Variants in ZRANB3 observed in about 807,000 individuals in gnomAD.
ZRANB3 encodes the protein DNA annealing helicase and endonuclease ZRANB3.
In ZRANB3, 125 loss-of-function variants were observed where a neutral mutation model predicts 133.8. The observed-to-expected ratio is 0.93, with a 90% CI of 0.81 to 1.08. The LOEUF is 1.08. Among genes scored for constraint, ZRANB3 ranks in the 50% least tolerant of loss-of-function variants. The pLI, the probability that ZRANB3 is intolerant of heterozygous loss-of-function variation, is 0.00. For missense variants in ZRANB3, 1,229 were observed against 1,275.5 expected (o/e 0.96, Z 0.56); for synonymous variants, 387 against 432.7 (o/e 0.89, Z 1.31).
Position 135,273,381 on chromosome 2 carries a change from C to T in ZRANB3, c.1087-1494G>A, listed in dbSNP as rs137979018. On this transcript the variant is annotated intron_variant, in intron 9 of 20. Transcript: ENST00000264159. ...TATTAAAAAGAATGTCCCGTATTAACGTTCTGTCCTCAAAGAGCAAGTATA... is the reference window on the plus strand; with the variant it reads ...TATTAAAAAGAATGTCCCGTATTAATGTTCTGTCCTCAAAGAGCAAGTATA... 3.0e-3 allele frequency among the ~76,000 whole-genome samples: 452 copies of T among 152,160 alleles called. 3 individuals carry two copies. The highest frequency in any genetic ancestry group is 0.01 in the African/African-American group (421 of 41,512).
At chr2:135,428,188 A>G (rs1689173090) in intron 2 of ZRANB3, among the ~76,000 whole-genome samples, 1 of 152,192 alleles carries the variant, frequency 6.6e-6, no homozygotes, top group Non-Finnish European at 1.5e-5. Context: ...CATGCCTGTA[A>G]TCCTAGCACT....
rs1432823979 is a variant in ZRANB3, at chr2:135,301,784, G to A, written c.966+11705C>T. Among the ~76,000 whole-genome samples, 7 of 152,172 alleles carry A rather than the reference G, an allele frequency of 4.6e-5. No homozygotes were observed. In the East Asian group the frequency reaches 1.4e-3, roughly 29 times the overall value. Reference sequence around the variant, plus strand: ...TATCTTCTCTCATGTACTTTCATAAGCATCCTGTTTTTGAAGCACTAAATA... The same window carrying A: ...TATCTTCTCTCATGTACTTTCATAAACATCCTGTTTTTGAAGCACTAAATA... On this transcript the variant is annotated intron_variant, in intron 8 of 20. Coordinates refer to ENST00000264159, the MANE Select transcript of ZRANB3 (RefSeq NM_032143.4).
intron 12 of ZRANB3, among the ~76,000 whole-genome samples, chr2:135,252,110 T>C (rs1032314113): frequency 1.3e-5 from 2 of 152,050 alleles, no homozygotes; most frequent in Admixed American, 1.3e-4. Context: ...ATCAGCAGCA[T>C]AAATGGACTA....
chr2:135,228,682 G>A (rs571626239), intron 13 of ZRANB3, among the ~76,000 whole-genome samples: 46 of 152,138 alleles, frequency 3.0e-4, no homozygotes, highest in Middle Eastern at 3.2e-3. Flanking sequence ...GCGAGAAAGA[G>A]ACCAAAGATA....
chr2:135,425,559 A>G (rs1211595015), intron 2 of ZRANB3, among the ~76,000 whole-genome samples: 1 of 152,186 alleles, frequency 6.6e-6, no homozygotes, highest in Non-Finnish European at 1.5e-5. Flanking sequence ...TGTAAATGAC[A>G]GAAATTAAAC....
At chr2:135,269,609 A>G (rs1273009847) in intron 10 of ZRANB3, among the ~76,000 whole-genome samples, 1 of 152,240 alleles carries the variant, frequency 6.6e-6, no homozygotes, top group East Asian at 1.9e-4. Context: ...GTGATGTTAT[A>G]TTCCGAAGAC....
chr2:135,526,320 C>T (rs533279011), intron 1 of ZRANB3, among the ~76,000 whole-genome samples: 8 of 152,152 alleles, frequency 5.3e-5, no homozygotes, highest in Non-Finnish European at 7.4e-5. Flanking sequence ...CCCGCCACCA[C>T]ACTCAGCTAA....
intron 8 of ZRANB3, among the ~76,000 whole-genome samples, chr2:135,284,459 C>G (rs1330355309): frequency 1.3e-5 from 2 of 152,188 alleles, no homozygotes; most frequent in Non-Finnish European, 2.9e-5. Context: ...TGTTACCTTT[C>G]CTTGTTTGTT....
At chr2:135,373,501 T>C (rs779889239) in intron 3 of ZRANB3, among the ~76,000 whole-genome samples, 1 of 152,004 alleles carries the variant, frequency 6.6e-6, no homozygotes, top group African/African-American at 2.4e-5. Flanking sequence ...TAAAAAGTCA[T>C]GATGGGCTGG....
intron 2 of ZRANB3, among the ~76,000 whole-genome samples, chr2:135,440,581 T>A (rs1267119031): frequency 1.3e-5 from 2 of 152,108 alleles, no homozygotes; most frequent in Non-Finnish European, 2.9e-5. Flanking sequence ...TGAGCCAGGC[T>A]GACAGCAAGC....
intron 2 of ZRANB3, among the ~76,000 whole-genome samples, chr2:135,431,078 C>G (rs1227794104): frequency 6.6e-6 from 1 of 150,818 alleles, no homozygotes; most frequent in Admixed American, 6.6e-5. Flanking sequence ...AGCTTGAGGC[C>G]AGCCTCAGCA....
chr2:135,301,844 T>A (rs1401978903), intron 8 of ZRANB3, among the ~76,000 whole-genome samples: 1 of 152,194 alleles, frequency 6.6e-6, no homozygotes, highest in Non-Finnish European at 1.5e-5. Context: ...TTTCATGGTC[T>A]TCCCCAGTAG....
rs1177438717 is a variant in ZRANB3 at position 135,245,926 on chromosome 2, C to CAAAAAAAAAAAAAAAAAAAAAAAA, written c.1540-15000_1540-14999insTTTTTTTTTTTTTTTTTTTTTTTT. The stretch of plus-strand genomic sequence containing the variant: ...GGGCAACGAGATTGAAACTCCGTCT[C>CAAAAAAAAAAAAAAAAAAAAAAAA]AAAAAAAAAAAAAAAAAAAAAAGAG... On this transcript the variant is annotated intron_variant, in intron 12 of 20. Transcript: ENST00000264159. 1.2e-3 allele frequency among the ~76,000 whole-genome samples: 23 copies of CAAAAAAAAAAAAAAAAAAAAAAAA among 19,552 alleles called. 3 individuals carry two copies. Among genetic ancestry groups the CAAAAAAAAAAAAAAAAAAAAAAAA allele is most frequent in the East Asian group, 0.015 (2 of 132 alleles). 12.8% of individuals were successfully genotyped at this position (19,552 alleles called of 152,430 possible).
At chr2:135,438,573 A>G (rs1411019687) in intron 2 of ZRANB3, among the ~76,000 whole-genome samples, 6 of 152,024 alleles carry the variant, frequency 3.9e-5, no homozygotes, top group African/African-American at 1.2e-4. Flanking sequence ...AAAAAGACAT[A>G]GTACGGAAGA....
chr2:135,527,259 A>C (rs926655369), intron 1 of ZRANB3, among the ~76,000 whole-genome samples: 15 of 152,154 alleles, frequency 9.9e-5, no homozygotes, highest in Non-Finnish European at 1.9e-4. Context: ...CACACTATAC[A>C]TTTAAAAATG....
At chr2:135,481,430 T>C (rs1574173280) in intron 2 of ZRANB3, among the ~76,000 whole-genome samples, 1 of 152,222 alleles carries the variant, frequency 6.6e-6, no homozygotes, top group African/African-American at 2.4e-5. Flanking sequence ...GAAGTGTCTG[T>C]TCATATCCTT....
At chr2:135,368,757 T>C (rs1404047959) in intron 3 of ZRANB3, among the ~76,000 whole-genome samples, 2 of 151,936 alleles carry the variant, frequency 1.3e-5, no homozygotes, top group East Asian at 3.8e-4. Flanking sequence ...CATAAATATA[T>C]ACATCTACTA....
Position 135,315,391 on chromosome 2 carries a change from T to C in ZRANB3, c.817A>G (p.Ile273Val). The part of the protein sequence containing the change: ...TQLPPKVRQR[I>V]PFDLPSAAAK... Reference sequence around the variant, plus strand: ...GCTGCTGATGGAAGATCAAATGGAATACGCTGTCTGACTTTAGGGGGTAGC... The same window carrying C: ...GCTGCTGATGGAAGATCAAATGGAACACGCTGTCTGACTTTAGGGGGTAGC... Residue 273 changes from isoleucine (I) to valine (V), a missense_variant, in exon 7 of 21, where the codon ATT (isoleucine) becomes GTT (valine). By Grantham distance (29) the Ile-to-Val change is conservative (BLOSUM62 3). Transcript: ENST00000264159. 6.3e-7 allele frequency: 1 copy of C among 1,598,628 alleles called. No homozygotes were observed. The highest frequency in any genetic ancestry group is 8.5e-7 in the Non-Finnish European group (1 of 1,174,540).
chr2:135,294,465 G>A (rs935445840), intron 8 of ZRANB3, among the ~76,000 whole-genome samples: 6 of 151,964 alleles, frequency 3.9e-5, no homozygotes, highest in South Asian at 2.1e-4. Flanking sequence ...TTTTTATTGA[G>A]TCTATTTGAT....
Sources: gnomAD v4.1 joint callset for allele counts (sites outside exome capture counted in the v4.1 genomes callset) on GRCh38, gnomAD v4.1.1 for gene constraint, MANE v1.5 for transcripts, NCBI Gene and HGNC (gene_info 2026-07-23, HGNC 2026-07-21) for gene names.